The following WDR7 variants were observed in gnomAD, a reference collection of about 807,000 sequenced individuals.
WDR7 encodes WD repeat domain 7, also known as WD repeat-containing protein 7.
WDR7 carries 46 observed loss-of-function variants against 169.4 expected under a neutral mutation model. That is an observed-to-expected ratio of 0.27 (90% CI 0.21 to 0.35). The LOEUF (loss-of-function observed/expected upper bound fraction) is 0.35, where lower values mean the gene tolerates loss of function less well. Among genes scored for constraint, WDR7 ranks in the 10% least tolerant of loss-of-function variants. The pLI, the probability that WDR7 is intolerant of heterozygous loss-of-function variation, is 1.00. For synonymous variants in WDR7, 612 were observed against 666.8 expected (o/e 0.92, Z 1.27); for missense variants, 1,534 against 1,859.3 (o/e 0.83, Z 3.22).
intron 25 of WDR7, among the ~76,000 whole-genome samples, chr18:56,958,473 A>G (rs1003512665): frequency 6.6e-6 from 1 of 152,084 alleles, no homozygotes; most frequent in Admixed American, 6.6e-5. Flanking sequence ...TTTTTTTTCC[A>G]GGACAACATT....
At chr18:56,765,074 GCTA>G (rs2144987234) in intron 16 of WDR7, among the ~76,000 whole-genome samples, 1 of 151,936 alleles carries the variant, frequency 6.6e-6, no homozygotes, top group African/African-American at 2.4e-5. Flanking sequence ...AGCATTTTTG[GCTA>G]CTGTTAACAT....
chr18:56,735,016 G>A (rs2026669037), intron 14 of WDR7, among the ~76,000 whole-genome samples: 1 of 152,138 alleles, frequency 6.6e-6, no homozygotes, highest in Non-Finnish European at 1.5e-5. Context: ...AATTTAATGG[G>A]TGCTGACATG....
chr18:56,791,083 T>G (rs1349070191), intron 19 of WDR7, among the ~76,000 whole-genome samples: 1 of 152,206 alleles, frequency 6.6e-6, no homozygotes, highest in Non-Finnish European at 1.5e-5. Flanking sequence ...CCACTTATTT[T>G]ATTGCTTGTT....
chr18:56,748,886 C>T (rs1371904632), intron 14 of WDR7, among the ~76,000 whole-genome samples: 1 of 152,050 alleles, frequency 6.6e-6, no homozygotes, highest in Non-Finnish European at 1.5e-5. Flanking sequence ...CCATTTCAGT[C>T]TCCACAGTTT....
chr18:56,986,997 G>C (rs1467174120), intron 26 of WDR7, among the ~76,000 whole-genome samples: 1 of 152,076 alleles, frequency 6.6e-6, no homozygotes, highest in Non-Finnish European at 1.5e-5. Context: ...TGCAAACATT[G>C]TTCTTCCAGA....
chr18:56,710,003 G>T (rs867753565), intron 12 of WDR7, among the ~76,000 whole-genome samples: 6 of 128,662 alleles, frequency 4.7e-5, no homozygotes, highest in South Asian at 2.5e-4. Flanking sequence ...TATATATATA[G>T]TTGTTTTTTT....
chr18:56,677,833 T>G (rs1440472524), intron 2 of WDR7, among the ~76,000 whole-genome samples: 5 of 152,196 alleles, frequency 3.3e-5, no homozygotes, highest in Admixed American at 6.5e-5. Context: ...TATTATTCCT[T>G]TGTATAAACT....
chr18:56,838,984 T>A (rs1322352385), intron 20 of WDR7, among the ~76,000 whole-genome samples: 1 of 152,214 alleles, frequency 6.6e-6, no homozygotes, highest in Non-Finnish European at 1.5e-5. Flanking sequence ...GGCTTCTTTG[T>A]AATTAGCATA....
chr18:56,687,382 G>A (rs532852914), intron 7 of WDR7, among the ~76,000 whole-genome samples: 13 of 152,284 alleles, frequency 8.5e-5, no homozygotes, highest in African/African-American at 3.1e-4. Flanking sequence ...CAGAGCTAAT[G>A]ATGGAAGAGG....
intron 15 of WDR7, among the ~76,000 whole-genome samples, chr18:56,757,562 A>G (rs931236711): frequency 4.6e-5 from 7 of 152,172 alleles, no homozygotes; most frequent in African/African-American, 7.2e-5. Flanking sequence ...TGATTGGCAT[A>G]CTTAGATGTT....
chr18:56,839,625 T>C lies in WDR7; in HGVS notation c.3304+23481T>C, dbSNP rs114055910. Among the ~76,000 whole-genome samples the C allele has an allele frequency of 7.1e-3, 1,080 of 152,160 alleles. 16 individuals are homozygous for C. Among genetic ancestry groups the C allele is most frequent in the African/African-American group, 0.024 (1,017 of 41,520 alleles). On this transcript the variant is annotated intron_variant, in intron 20 of 27. Coordinates refer to ENST00000254442, the MANE Select transcript of WDR7 (RefSeq NM_015285.3). ...CAGAAAATCTCATGGGAGAAAAAAA[T>C]AGTATAAAGCAGAAGACCATGGCAA...
At chr18:56,775,405 A>G (rs2044226745) in intron 16 of WDR7, among the ~76,000 whole-genome samples, 1 of 152,164 alleles carries the variant, frequency 6.6e-6, no homozygotes, top group Non-Finnish European at 1.5e-5. Context: ...ATAATCACTG[A>G]ATTTGTAATT....
chr18:56,812,661 T>C (rs967568704), intron 19 of WDR7, among the ~76,000 whole-genome samples: 3 of 152,042 alleles, frequency 2.0e-5, no homozygotes, highest in African/African-American at 7.2e-5. Flanking sequence ...ACCTACAGGG[T>C]TGCTGGGTGT....
At chr18:56,775,595 T>C (rs1403834162) in intron 16 of WDR7, among the ~76,000 whole-genome samples, 1 of 152,162 alleles carries the variant, frequency 6.6e-6, no homozygotes, top group East Asian at 1.9e-4. Flanking sequence ...AGATCTCTTA[T>C]AATAATAAAG....
chr18:56,930,359 A>G (rs187407397), intron 22 of WDR7, among the ~76,000 whole-genome samples: 1 of 152,332 alleles, frequency 6.6e-6, no homozygotes, highest in Non-Finnish European at 1.5e-5. Context: ...TGCAAACACT[A>G]AGATGCTTTA....
At chr18:56,965,455 G>GT (rs113816269) in intron 26 of WDR7, among the ~76,000 whole-genome samples, 9,116 of 138,368 alleles carry the variant, frequency 0.066, 836 homozygotes, top group African/African-American at 0.21. Flanking sequence ...TTTTTAATCT[G>GT]TTTTTTTTTT....
intron 9 of WDR7, 50 bp downstream of exon 9, chr18:56,691,867 T>C: frequency 1.4e-6 from 2 of 1,413,728 alleles, no homozygotes; most frequent in South Asian, 1.2e-5. Context: ...TTGAAAAACT[T>C]CTACAACTGT....
chr18:57,006,932 C>T (rs116898271), intron 26 of WDR7, among the ~76,000 whole-genome samples: 5,693 of 151,510 alleles, frequency 0.038, 129 homozygotes, highest in Non-Finnish European at 0.053. Context: ...TGTACATCCA[C>T]AAATATATAC....
At chr18:56,719,575 A>C (rs1006189466) in intron 13 of WDR7, among the ~76,000 whole-genome samples, 3 of 151,412 alleles carry the variant, frequency 2.0e-5, no homozygotes, top group East Asian at 2.0e-4. Flanking sequence ...AAAAAAAAAA[A>C]AAAACAGAAT....
Sources: allele counts gnomAD v4.1 joint callset (sites outside exome capture counted in the v4.1 genomes callset), GRCh38; gene constraint gnomAD v4.1.1; transcripts MANE v1.5; gene names NCBI Gene and HGNC (gene_info 2026-07-23, HGNC 2026-07-21).